The following INSRR variants were observed in gnomAD, a reference collection of about 807,000 sequenced individuals.
The protein encoded by INSRR is insulin receptor related receptor.
Under a neutral mutation model 130.0 loss-of-function variants are expected in INSRR, and 114 were observed. That is an observed-to-expected ratio of 0.88 (90% CI 0.75 to 1.02). INSRR has a LOEUF of 1.02. INSRR is among the 50% of genes least tolerant of loss of function. INSRR has a pLI of 0.00. For missense variants in INSRR, 1,657 were observed against 1,735.2 expected, an observed-to-expected ratio of 0.95 and a Z score of 0.80; for synonymous variants, 674 against 705.2, an observed-to-expected ratio of 0.96 and a Z score of 0.70.
chr1:156,845,570 C>A, intron 10 of INSRR, 49 bp downstream of exon 10: 1 of 1,482,448 alleles, frequency 6.7e-7, no homozygotes, highest in Non-Finnish European at 9.1e-7. Context: ...ACCCGCCCCT[C>A]ACAGGCCCCA....
At chr1:156,851,122 C>T (rs571748621) in intron 5 of INSRR, 168 bp downstream of exon 5, 87 of 742,918 alleles carry the variant, frequency 1.2e-4, no homozygotes, top group African/African-American at 1.2e-3. Flanking sequence ...TTATATTAGC[C>T]CTATTTTACA....
At position 156,843,145 on chromosome 1, in the gene INSRR, C is replaced by T. The variant is rs1269765821; in HGVS notation, c.2985G>A (p.Glu995=). The T allele has an allele frequency of 6.2e-7, 1 of 1,614,052 alleles. No homozygotes were observed. Among genetic ancestry groups the T allele is most frequent in the East Asian group, 2.2e-5 (1 of 44,894 alleles). Residue 995 remains glutamate (E), a synonymous_variant, in exon 17 of 22, where the codon GAG becomes GAA. Coordinates refer to ENST00000368195, the MANE Select transcript of INSRR (RefSeq NM_014215.3). Reference sequence around the variant, plus strand: ...CAGCCTCAAGTCCTCGTGCCAGCCCCTCATATACCATCCCAAAAGAGCCCT... The same window carrying T: ...CAGCCTCAAGTCCTCGTGCCAGCCCTTCATATACCATCCCAAAAGAGCCCT... The part of the protein sequence containing the change: ...LGQGSFGMVY[E]GLARGLEAGE...
At position 156,851,686 on chromosome 1, in the gene INSRR, C is replaced by G. The variant is rs146358035; in HGVS notation, c.1044G>C (p.Thr348=). The G allele has an allele frequency of 5.9e-5, 96 of 1,614,196 alleles. No individual in the cohort carries two copies. The South Asian group carries it at 1.0e-3, about 18-fold the overall frequency. Residue 348 remains threonine, a synonymous_variant, in exon 4 of 22, where the codon ACG becomes ACC. Coordinates refer to ENST00000368195, the MANE Select transcript of INSRR (RefSeq NM_014215.3). The part of the protein sequence containing the change: ...IQAAQDLVGC[T]HVEGSLILNL... ...TGAGGATGAGGCTTCCCTCCACATG[C>G]GTGCAGCCCACAAGATCCTGTGCCG...
At chr1:156,842,311 A>T (rs745962645) in intron 18 of INSRR, 40 bp from the exon 19 acceptor site, 1 of 1,613,544 alleles carries the variant, frequency 6.2e-7, no homozygotes, top group East Asian at 2.2e-5. Context: ...AGGAACCCAG[A>T]GGCTGGTCTC....
intron 13 of INSRR, 26 bp downstream of exon 13, chr1:156,844,681 G>A (rs771385234): frequency 5.0e-6 from 8 of 1,614,084 alleles, no homozygotes; most frequent in Non-Finnish European, 6.8e-6. Context: ...AAACGGGGCT[G>A]GGACGGGGGT....
rs1654792512 is a variant in INSRR at position 156,841,719 on chromosome 1, C to T, written c.3473G>A (p.Trp1158Ter). 7 of 1,614,146 alleles carry T rather than the reference C, an allele frequency of 4.3e-6. No individual in the cohort carries two copies. The East Asian group carries it at 1.6e-4, about 36-fold the overall frequency. ...KGGKGLLPVRWMAPESLKDGI... is the reference protein window; with the variant it reads ...KGGKGLLPVR ...ATCTTTGAGGGACTCGGGGGCCATC[C>T]AGCGCACGGGCAGCAGCCCCTTCCC... Residue 1158 changes from tryptophan (W) to a stop codon, truncating the protein, a stop_gained, in exon 20 of 22, where the codon TGG becomes TAG. Transcript: ENST00000368195. LOFTEE classifies it high-confidence loss of function.
At chr1:156,849,086 C>T (rs372035532) in intron 6 of INSRR, 39 bp from the exon 7 acceptor site, 1 of 1,603,824 alleles carries the variant, frequency 6.2e-7, no homozygotes, top group African/African-American at 1.3e-5. Flanking sequence ...CCGCGCCTGC[C>T]AGCTGCTTGA....
chr1:156,852,713 C>G (rs967877977), intron 2 of INSRR, among the ~76,000 whole-genome samples: 3 of 152,206 alleles, frequency 2.0e-5, no homozygotes, highest in Admixed American at 6.5e-5. Flanking sequence ...GCTGGAGGCC[C>G]AATCGCCTAG....
intron 1 of INSRR, among the ~76,000 whole-genome samples, chr1:156,855,718 A>C (rs1160792195): frequency 6.6e-6 from 1 of 152,068 alleles, no homozygotes; most frequent in Non-Finnish European, 1.5e-5. Context: ...TCAGCTACTC[A>C]GGAGGTTGAG....
At chr1:156,857,618 TC>T (rs1248255324) in intron 1 of INSRR, among the ~76,000 whole-genome samples, 3 of 152,064 alleles carry the variant, frequency 2.0e-5, no homozygotes, top group African/African-American at 7.2e-5. Context: ...AGACAGAGGA[TC>T]TGTGACTAGC....
At position 156,851,646 on chromosome 1, in the gene INSRR, A is replaced by G. The variant is rs201441514; in HGVS notation, c.1084T>C (p.Tyr362His). The change falls in exon 4 of 22, where the codon TAC becomes CAC. Residue 362 changes from tyrosine to histidine, a missense_variant and splice_region_variant. Tyr to His is a moderately conservative substitution (Grantham distance 83, BLOSUM62 2). Transcript: ENST00000368195. ...GSLILNLRQGYNLEPQLQHSL... is the reference protein window; with the variant it reads ...GSLILNLRQGHNLEPQLQHSL... ...GTGTGGCCCCAAAGTAGGTACTGAC[A>G]GCCCTGGCGAAGGTTGAGGATGAGG... 15 of 1,614,182 alleles carry G rather than the reference A, an allele frequency of 9.3e-6. No individual in the cohort carries two copies. The Admixed American group carries it at 2.0e-4, about 22-fold the overall frequency.
chr1:156,844,599 C>CG lies in INSRR; in HGVS notation c.2599dup (p.Arg867ProfsTer25). ...TCCCCCAAACTTCGCATATCGAAGA[C>CG]GGGACACACACAGCACTGTGGCCTC... On this transcript the variant is annotated frameshift_variant, in exon 14 of 22. Transcript: ENST00000368195. LOFTEE classifies it high-confidence loss of function. The CG allele has an allele frequency of 1.2e-6, 2 of 1,614,140 alleles. No homozygotes were observed. The highest frequency in any genetic ancestry group is 1.7e-6 in the Non-Finnish European group (2 of 1,180,016).
chr1:156,844,492 C>T lies in INSRR; in HGVS notation c.2707G>A (p.Asp903Asn). 1 of 1,614,084 alleles carries T rather than the reference C, an allele frequency of 6.2e-7. No individual in the cohort carries two copies. The highest frequency in any genetic ancestry group is 8.5e-7 in the Non-Finnish European group (1 of 1,180,000). ...CCAAGGATGTAGAAGGCAACACTGT[C>T]TGTCCAAGAGCCATTGCCAGCCAGT... ...TSLAGNGSWT[D>N]SVAFYILGPE... The change falls in exon 14 of 22, where the codon GAC (aspartate) becomes AAC (asparagine). Residue 903 changes from aspartate to asparagine, a missense_variant. By Grantham distance (23) the Asp-to-Asn change is conservative. Coordinates refer to ENST00000368195, the MANE Select transcript of INSRR (RefSeq NM_014215.3).
Position 156,845,362 on chromosome 1 carries a change from T to C in INSRR, c.2216+10A>G, listed in dbSNP as rs758171975. On this transcript the variant is annotated intron_variant, in intron 11 of 21. Coordinates refer to ENST00000368195, the MANE Select transcript of INSRR (RefSeq NM_014215.3). ...CCACGCCCCTCAGCACCTGCCCTAG[T>C]CCTGCTCACCTTTGGGGGCTCTTGT... 31 of 1,594,768 alleles carry C rather than the reference T, an allele frequency of 1.9e-5. No homozygotes were observed. Among genetic ancestry groups the C allele is most frequent in the Non-Finnish European group, 2.4e-5 (28 of 1,168,978 alleles).
rs780463953 is a variant in INSRR at position 156,844,690 on chromosome 1, GT to G, written c.2574+16del. The G allele has an allele frequency of 3.7e-6, 6 of 1,613,978 alleles. No individual in the cohort carries two copies. The African/African-American group carries it at 8.0e-5, about 22-fold the overall frequency. On this transcript the variant is annotated intron_variant, in intron 13 of 21. Coordinates refer to ENST00000368195, the MANE Select transcript of INSRR (RefSeq NM_014215.3). Reference sequence around the variant, plus strand: ...GGCACAAAACGGGGCTGGGACGGGGGTCCCACGGGCACCTACCTCTCCCAAG... The same window carrying G: ...GGCACAAAACGGGGCTGGGACGGGGGCCCACGGGCACCTACCTCTCCCAAG...
chr1:156,842,567 A>C, intron 17 of INSRR, 59 bp from the exon 18 acceptor site: 1 of 1,320,176 alleles, frequency 7.6e-7, no homozygotes, highest in Non-Finnish European at 1.1e-6. Flanking sequence ...TTTGGCCAAA[A>C]TTCTGATCTG....
rs1201891642 is a variant in INSRR, at chr1:156,858,876, A to G, written c.-255T>C. ...ATGAGATTGAGAGATGGGGACAGAG[A>G]TGCAGACAGTGACAGGGAGAGTCTC... On this transcript the variant is annotated 5_prime_UTR_variant, in exon 1 of 22. Transcript: ENST00000368195. 2 of 530,818 alleles carry G rather than the reference A, an allele frequency of 3.8e-6. No homozygotes were observed. The highest frequency in any genetic ancestry group is 6.2e-5 in the Admixed American group (2 of 32,104). 32.9% of individuals were successfully genotyped at this position (530,818 alleles called of 1,614,324 possible).
intron 17 of INSRR, among the ~76,000 whole-genome samples, chr1:156,842,782 C>T (rs1654846603): frequency 6.6e-6 from 1 of 152,148 alleles, no homozygotes; most frequent in African/African-American, 2.4e-5. Flanking sequence ...ATATTGAGCC[C>T]CAATCATGAC....
chr1:156,844,255 A>T lies in INSRR; in HGVS notation c.2763T>A (p.His921Gln). The change falls in exon 15 of 22, where the codon CAT becomes CAA. Residue 921 changes from histidine to glutamine, a missense_variant. Coordinates refer to ENST00000368195, the MANE Select transcript of INSRR (RefSeq NM_014215.3). The part of the protein sequence containing the change: ...GPEEEDAGGL[H>Q]VLLTATPVGL... ...CCACAGGGGTGGCAGTGAGGAGGAC[A>T]TGCAGCCCCCCAGCATCCTCCTCCT... 2 of 1,613,750 alleles carry T rather than the reference A, an allele frequency of 1.2e-6. No homozygotes were observed. The highest frequency in any genetic ancestry group is 1.7e-6 in the Non-Finnish European group (2 of 1,179,802).
Sources: allele counts gnomAD v4.1 joint callset (sites outside exome capture counted in the v4.1 genomes callset), GRCh38; gene constraint gnomAD v4.1.1; transcripts MANE v1.5; gene names NCBI Gene and HGNC (gene_info 2026-07-23, HGNC 2026-07-21).